The following MICAL3 variants were observed in gnomAD, a reference collection of about 807,000 sequenced individuals.
MICAL3 encodes [F-actin]-monooxygenase MICAL3.
In MICAL3, 62 loss-of-function variants were observed where a neutral mutation model predicts 207.4. The ratio of observed to expected loss-of-function variants is 0.30; its 90% CI spans 0.24 to 0.37. The LOEUF (loss-of-function observed/expected upper bound fraction) is 0.37, where lower values mean the gene tolerates loss of function less well. MICAL3 is among the 10% of genes least tolerant of loss of function. The probability of loss-of-function intolerance (pLI) is 1.00; values close to 1 mark genes in which losing one functional copy is unlikely to be tolerated. For missense variants in MICAL3, 2,368 were observed against 2,635.6 expected, an observed-to-expected ratio of 0.90 and a Z score of 2.22; for synonymous variants, 1,077 against 1,069.3, an observed-to-expected ratio of 1.01 and a Z score of -0.14.
chr22:17,889,346 G>C (rs1252895651), intron 12 of MICAL3, 116 bp from the exon 13 acceptor site: 3 of 692,618 alleles, frequency 4.3e-6, no homozygotes, highest in Non-Finnish European at 7.1e-6. Flanking sequence ...AGGGTGCTGT[G>C]CATCGCTGAC....
chr22:17,974,986 A>C (rs1053609020), intron 1 of MICAL3, among the ~76,000 whole-genome samples: 13 of 152,166 alleles, frequency 8.5e-5, no homozygotes, highest in Admixed American at 5.9e-4. Context: ...AGGCAGCTGG[A>C]CTCTGGAGCC....
chr22:17,844,037 C>CG (rs1479498803), intron 19 of MICAL3, among the ~76,000 whole-genome samples: 5 of 152,218 alleles, frequency 3.3e-5, no homozygotes, highest in East Asian at 1.9e-4. Flanking sequence ...TTAGTAGAGA[C>CG]GGGTTTCACC....
At position 17,936,607 on chromosome 22, in the gene MICAL3, CAGAA is replaced by C. The variant is rs558732834; in HGVS notation, c.-74-29725_-74-29722del. ...AAAAAAAAGAAACTTTCTGAGATAA[CAGAA>C]AGAGTTTATATCTTGATTATGGAGA... On this transcript the variant is annotated intron_variant, in intron 1 of 31. Coordinates refer to ENST00000441493, the MANE Select transcript of MICAL3 (RefSeq NM_015241.3). Among the ~76,000 whole-genome samples the C allele has an allele frequency of 1.9e-3, 286 of 149,228 alleles. 3 individuals are homozygous for C. The highest frequency in any genetic ancestry group is 5.9e-3 in the African/African-American group (239 of 40,576).
chr22:17,926,766 A>G (rs1447972380), intron 1 of MICAL3, among the ~76,000 whole-genome samples: 1 of 152,236 alleles, frequency 6.6e-6, no homozygotes, highest in African/African-American at 2.4e-5. Context: ...AGCACAGTGC[A>G]GGGTATATTC....
intron 1 of MICAL3, among the ~76,000 whole-genome samples, chr22:17,985,221 C>A (rs1936099474): frequency 6.6e-6 from 1 of 152,148 alleles, no homozygotes; most frequent in Non-Finnish European, 1.5e-5. Context: ...AAGGTCCGGC[C>A]AGGGAGGGGA....
At chr22:17,827,881 G>T in intron 21 of MICAL3, 100 bp from the exon 22 acceptor site, 1 of 1,271,138 alleles carries the variant, frequency 7.9e-7, no homozygotes, top group Non-Finnish European at 1.1e-6. Context: ...GCATTGGCCA[G>T]GGTCAGTATG....
At position 17,818,168 on chromosome 22, in the gene MICAL3, G is replaced by C. The variant is rs1266067539; in HGVS notation, c.4493C>G (p.Pro1498Arg). The C allele has an allele frequency of 3.1e-6, 5 of 1,594,346 alleles. No individual in the cohort carries two copies. The highest frequency in any genetic ancestry group is 4.5e-5 in the East Asian group (2 of 44,118). ...TCTGGGGGGCTGAGCAGGCTCCCGG[G>C]GGGGCCGCATCCAGGTGGCGGGCAA... ...PPLPATWMRPPREPAQPPREE... is the reference protein window; with the variant it reads ...PPLPATWMRPRREPAQPPREE... Residue 1498 changes from proline to arginine, a missense_variant, in exon 26 of 32, where the codon CCC (proline) becomes CGC (arginine). Physicochemically the swap from Pro to Arg is moderately radical, Grantham distance 103. Coordinates refer to ENST00000441493, the MANE Select transcript of MICAL3 (RefSeq NM_015241.3).
At chr22:17,877,041 G>C (rs111213217) in intron 16 of MICAL3, among the ~76,000 whole-genome samples, 3 of 30,336 alleles carry the variant, frequency 9.9e-5, no homozygotes, top group Admixed American at 3.4e-4. Flanking sequence ...GGTTAGGGAG[G>C]TTATGGAGGT....
At chr22:17,876,982 GGGAGGTTAGGGAGGTGAGGGAGGTTAT>G (rs1928591221) in intron 16 of MICAL3, 6 of 91,350 alleles carry the variant, frequency 6.6e-5, no homozygotes, top group Admixed American at 1.1e-4. Context: ...ATGGAGGTTA[GGGAGGTTAGGGAGGTGAGGGAGGTTAT>G]GGAGGTTATG....
intron 24 of MICAL3, among the ~76,000 whole-genome samples, 172 bp downstream of exon 24, chr22:17,821,858 G>A (rs867792695): frequency 3.9e-5 from 6 of 152,270 alleles, no homozygotes; most frequent in Non-Finnish European, 7.3e-5. Context: ...GCAGCAGCCT[G>A]TGGCACAGGG....
At chr22:17,892,818 C>G (rs563454678) in intron 11 of MICAL3, among the ~76,000 whole-genome samples, 49 of 152,326 alleles carry the variant, frequency 3.2e-4, no homozygotes, top group African/African-American at 1.2e-3. Context: ...CCAAATGACT[C>G]AAACCTCTCA....
chr22:17,896,921 T>G lies in MICAL3; in HGVS notation c.1009A>C (p.Ser337Arg), dbSNP rs931683393. The G allele has an allele frequency of 6.2e-7, 1 of 1,613,786 alleles. No individual in the cohort carries two copies. Among genetic ancestry groups the G allele is most frequent in the Admixed American group, 1.7e-5 (1 of 60,000 alleles). Residue 337 changes from serine (S) to arginine (R), a missense_variant, in exon 8 of 32, where the codon AGC (serine) becomes CGC (arginine). Around this residue, in one of 4 missense-constraint regions of MICAL3, gnomAD observed 400 missense variants for 547.0 expected, o/e 0.73. Coordinates refer to ENST00000441493, the MANE Select transcript of MICAL3 (RefSeq NM_015241.3). ...RENVDQEALL[S>R]YAREAADFST... ...AAGTCTGCCGCCTCCCTGGCATAGC[T>G]GAGCAGAGCCTCCTGGTCCACGTTT...
intron 21 of MICAL3, among the ~76,000 whole-genome samples, chr22:17,829,296 A>G (rs1300079625): frequency 1.3e-5 from 2 of 151,774 alleles, no homozygotes; most frequent in Non-Finnish European, 2.9e-5. Context: ...CCTCCCAAGT[A>G]GCTGGGATTA....
At chr22:17,989,570 A>G (rs1921431866) in intron 1 of MICAL3, among the ~76,000 whole-genome samples, 2 of 152,018 alleles carry the variant, frequency 1.3e-5, no homozygotes, top group South Asian at 4.2e-4. Flanking sequence ...CTCAACCCTG[A>G]GCCTGCGCTC....
intron 1 of MICAL3, among the ~76,000 whole-genome samples, chr22:17,989,958 G>A (rs1051401237): frequency 2.0e-5 from 3 of 152,102 alleles, no homozygotes; most frequent in Non-Finnish European, 4.4e-5. Flanking sequence ...GCTCTCCTGA[G>A]GCAGGTTTGT....
Position 18,002,401 on chromosome 22 carries a change from G to A in MICAL3, c.-75+21880C>T, listed in dbSNP as rs149924368. 5.9e-3 allele frequency among the ~76,000 whole-genome samples: 903 copies of A among 151,880 alleles called. 9 individuals carry two copies. The highest frequency in any genetic ancestry group is 0.017 in the African/African-American group (698 of 41,386). On this transcript the variant is annotated intron_variant, in intron 1 of 31. Coordinates refer to ENST00000441493, the MANE Select transcript of MICAL3 (RefSeq NM_015241.3). ...ATCCCAGCACTTTGGGAGGGAGGCC[G>A]AGGCGAGCAGATCACAAGGTCAGGA...
At chr22:17,928,294 C>T (rs563519508) in intron 1 of MICAL3, among the ~76,000 whole-genome samples, 9 of 152,154 alleles carry the variant, frequency 5.9e-5, no homozygotes, top group Non-Finnish European at 1.0e-4. Flanking sequence ...AAAAAATTAG[C>T]GGGGCGTGGT....
In MICAL3 at chr22:17,818,424, G is replaced by A. The variant is rs73382765; in HGVS notation, c.4237C>T (p.Arg1413Cys). The change falls in exon 26 of 32, where the codon CGC becomes TGC. Residue 1413 changes from arginine to cysteine, a missense_variant. Arg to Cys is a radical substitution (Grantham distance 180). This residue lies in a region of MICAL3 where 1,770 missense variants were observed against 1,863.2 expected (regional missense o/e 0.95). Transcript: ENST00000441493. ...TPRSPSDREL[R>C]SAQEERRELS... ...TCCCTGCGCTCCTCCTGGGCGCTGCGTAGCTCTCTGTCGGACGGGGACCGG... is the reference window on the plus strand; with the variant it reads ...TCCCTGCGCTCCTCCTGGGCGCTGCATAGCTCTCTGTCGGACGGGGACCGG... The A allele has an allele frequency of 5.8e-3, 9,331 of 1,612,472 alleles. 443 individuals are homozygous for A. The African/African-American group carries it at 0.1, about 18-fold the overall frequency.
At chr22:17,991,864 C>T (rs906982195) in intron 1 of MICAL3, among the ~76,000 whole-genome samples, 1 of 152,132 alleles carries the variant, frequency 6.6e-6, no homozygotes, top group Non-Finnish European at 1.5e-5. Flanking sequence ...GAATGGGGGG[C>T]TCGCTACTGT....
Sources: gnomAD v4.1 joint callset for allele counts (sites outside exome capture counted in the v4.1 genomes callset) on GRCh38, gnomAD v4.1.1 for gene constraint, gnomAD v4.1.1 regional missense constraint, MANE v1.5 for transcripts, NCBI Gene and HGNC (gene_info 2026-07-23, HGNC 2026-07-21) for gene names.